SLC19A1: variants seen among roughly 807,000 people sequenced by gnomAD.
SLC19A1 encodes reduced folate transporter.
In SLC19A1, 37 loss-of-function variants were observed where a neutral mutation model predicts 35.3. The ratio of observed to expected loss-of-function variants is 1.05; its 90% CI spans 0.81 to 1.38. The LOEUF (loss-of-function observed/expected upper bound fraction) is 1.38, where lower values mean the gene tolerates loss of function less well. Among genes scored for constraint, SLC19A1 ranks in the 40% most tolerant of loss-of-function variants. SLC19A1 has a pLI of 0.00. For missense variants in SLC19A1, 831 were observed against 826.9 expected, an observed-to-expected ratio of 1.00 and a Z score of -0.06; for synonymous variants, 460 against 398.5, an observed-to-expected ratio of 1.15 and a Z score of -1.84.
At chr21:45,503,640 G>A (rs1359786030) in intron 3 of SLC19A1, among the ~76,000 whole-genome samples, 2 of 113,044 alleles carry the variant, frequency 1.8e-5, no homozygotes, top group Non-Finnish European at 3.5e-5. Context: ...CTGTTGTGGG[G>A]TGGGGGGAGG....
chr21:45,552,729 G>T (rs576255550), intron 1 of SLC19A1, among the ~76,000 whole-genome samples: 1 of 152,142 alleles, frequency 6.6e-6, no homozygotes, highest in African/African-American at 2.4e-5. Flanking sequence ...CCCTGGGTGT[G>T]TCCCAGACCC....
chr21:45,547,023 G>A (rs917946168), upstream of SLC19A1, among the ~76,000 whole-genome samples: 8 of 152,158 alleles, frequency 5.3e-5, no homozygotes, highest in Non-Finnish European at 8.8e-5. Context: ...AGAAATAAGG[G>A]CATTTAGCAA....
chr21:45,541,106 C>T (rs1337822060), intron 1 of SLC19A1, among the ~76,000 whole-genome samples: 1 of 152,192 alleles, frequency 6.6e-6, no homozygotes, highest in Admixed American at 6.5e-5. Flanking sequence ...ATAATTAGAC[C>T]CTCCGGCTAT....
At chr21:45,536,822 G>A (rs1216942061) in intron 2 of SLC19A1, among the ~76,000 whole-genome samples, 10 of 152,154 alleles carry the variant, frequency 6.6e-5, no homozygotes, top group Non-Finnish European at 1.5e-4. Flanking sequence ...CCCTGGGATG[G>A]GGTGTCGGGG....
At chr21:45,510,132 G>C, downstream of SLC19A1, 3 of 1,600,818 alleles carry the variant, frequency 1.9e-6, no homozygotes, top group Non-Finnish European at 2.6e-6. Context: ...CCGACTTCCA[G>C]TGCTTCCAGC....
At chr21:45,520,737 C>T (rs1602718297) in intron 5 of SLC19A1, among the ~76,000 whole-genome samples, 1 of 152,156 alleles carries the variant, frequency 6.6e-6, no homozygotes, top group Non-Finnish European at 1.5e-5. Context: ...AAGACAGACA[C>T]TAGCCGGGCA....
chr21:45,532,152 C>G lies in SLC19A1; in HGVS notation c.190-4G>C, dbSNP rs1196510335. The G allele has an allele frequency of 6.3e-7, 1 of 1,585,414 alleles. No homozygotes were observed. The highest frequency in any genetic ancestry group is 2.2e-5 in the East Asian group (1 of 44,448). ...CCGGCGTGATCTCGTTCGTGACCTG[C>G]GGACAGGCGGGCGTGCGCCCCACCA... is the stretch of plus-strand genomic sequence containing the variant. On this transcript the variant is annotated splice_region_variant and splice_polypyrimidine_tract_variant and intron_variant, in intron 2 of 5. Transcript: ENST00000311124.
At chr21:45,522,523 T>C (rs182839324) in intron 5 of SLC19A1, among the ~76,000 whole-genome samples, 84 of 152,300 alleles carry the variant, frequency 5.5e-4, no homozygotes, top group Non-Finnish European at 5.9e-5. Flanking sequence ...AAAACCTATA[T>C]TCACACAAAA....
chr21:45,550,689 T>G (rs953634378), intron 1 of SLC19A1, among the ~76,000 whole-genome samples: 31 of 152,232 alleles, frequency 2.0e-4, no homozygotes, highest in African/African-American at 5.5e-4. Context: ...TTTCGTCGTC[T>G]TCTTCTGAAT....
chr21:45,511,083 A>ACC, downstream of SLC19A1: 5 of 1,054,300 alleles, frequency 4.7e-6, no homozygotes, highest in African/African-American at 5.8e-5. Context: ...CACACACCAC[A>ACC]CACACATACA....
chr21:45,503,773 A>T (rs1377757531), intron 3 of SLC19A1, among the ~76,000 whole-genome samples: 1 of 152,088 alleles, frequency 6.6e-6, no homozygotes, highest in Non-Finnish European at 1.5e-5. Flanking sequence ...GTACCCTAAA[A>T]CTTAAAGTAT....
In SLC19A1 at chr21:45,513,941, C is replaced by G. The variant is rs1175161049; in HGVS notation, c.*1717G>C. On this transcript the variant is annotated 3_prime_UTR_variant, in exon 6 of 6. Coordinates refer to ENST00000311124, the MANE Select transcript of SLC19A1 (RefSeq NM_194255.4). ...GTGTGCACAGGTACACAGGCATGCA[C>G]GGGTGTGTGGACACACACCAACACT... 6.6e-6 allele frequency: 1 copy of G among 152,320 alleles called. No homozygotes were observed. The highest frequency in any genetic ancestry group is 1.5e-5 in the Non-Finnish European group (1 of 68,098). The allele number at this position is 152,320 out of a possible 1,614,324, so 9.4% of individuals were successfully genotyped here.
At chr21:45,546,829 CGGA>C (rs1210764853), upstream of SLC19A1, among the ~76,000 whole-genome samples, 1 of 152,110 alleles carries the variant, frequency 6.6e-6, no homozygotes, top group Non-Finnish European at 1.5e-5. Flanking sequence ...ATCCTGCGGT[CGGA>C]GGAGGTTTGC....
upstream of SLC19A1, among the ~76,000 whole-genome samples, chr21:45,545,979 C>G (rs1023143522): frequency 1.3e-5 from 2 of 152,228 alleles, no homozygotes; most frequent in South Asian, 4.1e-4. Context: ...TCCCGCCAGG[C>G]CTTCGCCCCC....
intron 1 of SLC19A1, among the ~76,000 whole-genome samples, chr21:45,550,520 C>T (rs2078454872): frequency 6.6e-6 from 1 of 152,188 alleles, no homozygotes; most frequent in South Asian, 2.1e-4. Context: ...AATGGAACTG[C>T]ATGAAATAAA....
At chr21:45,509,991 G>A, downstream of SLC19A1, 1 of 1,498,752 alleles carries the variant, frequency 6.7e-7, no homozygotes, top group Non-Finnish European at 8.9e-7. Flanking sequence ...TGCGGGGCCG[G>A]GGTGGTGCGC....
chr21:45,527,840 C>T (rs543960691), intron 4 of SLC19A1, among the ~76,000 whole-genome samples: 1 of 151,618 alleles, frequency 6.6e-6, no homozygotes. Flanking sequence ...GGAATGAAGG[C>T]ACCACATTCC....
chr21:45,529,963 T>C lies in SLC19A1; in HGVS notation c.1151+807A>G, dbSNP rs192971608. Among the ~76,000 whole-genome samples the C allele has an allele frequency of 2.9e-3, 425 of 148,804 alleles. 5 individuals are homozygous for C. Among genetic ancestry groups the C allele is most frequent in the South Asian group, 6.7e-3 (31 of 4,648 alleles). On this transcript the variant is annotated intron_variant, in intron 4 of 5. Coordinates refer to ENST00000311124, the MANE Select transcript of SLC19A1 (RefSeq NM_194255.4). ...TGTAGTGTGTGTCCATGGGTAAGCA[T>C]GTAGTGTGTTCATGTGAGTGTGGTG...
At chr21:45,510,410 C>G (rs1018168975), downstream of SLC19A1, 3 of 900,664 alleles carry the variant, frequency 3.3e-6, no homozygotes, top group East Asian at 2.6e-5. Context: ...AGGGCAGGCT[C>G]CGGGTGGGTC....
Sources: allele counts gnomAD v4.1 joint callset (sites outside exome capture counted in the v4.1 genomes callset), GRCh38; gene constraint gnomAD v4.1.1; transcripts MANE v1.5; gene names NCBI Gene and HGNC (gene_info 2026-07-23, HGNC 2026-07-21).